LPP: variants seen among roughly 807,000 people sequenced by gnomAD.
LPP encodes the protein lipoma-preferred partner.
A neutral mutation model predicts 60.4 loss-of-function variants in LPP; 38 were observed. The ratio of observed to expected loss-of-function variants is 0.63; its 90% CI spans 0.49 to 0.83. The LOEUF is 0.83. LPP is among the 40% of genes least tolerant of loss of function. LPP has a pLI of 0.00. For missense variants in LPP, 902 were observed against 783.6 expected, an observed-to-expected ratio of 1.15 and a Z score of -1.80; for synonymous variants, 328 against 290.8, an observed-to-expected ratio of 1.13 and a Z score of -1.30.
rs144698722 is a variant in LPP at position 188,322,569 on chromosome 3, C to A, written c.-66-19094C>A. On this transcript the variant is annotated intron_variant, in intron 2 of 11. Transcript: ENST00000617246. ...CCTAGAAAAGACCTCTTTAAAAAGG[C>A]CTTTTGGTTATATACGGCCTGAGTT... Among the ~76,000 whole-genome samples the A allele has an allele frequency of 3.3e-5, 5 of 152,194 alleles. No homozygotes were observed. The East Asian group carries it at 9.7e-4, about 29-fold the overall frequency.
At chr3:188,511,277 C>T (rs1200788617) in intron 5 of LPP, among the ~76,000 whole-genome samples, 20 of 93,000 alleles carry the variant, frequency 2.2e-4, no homozygotes, top group African/African-American at 8.5e-4. Flanking sequence ...TCCTTTCCCT[C>T]CCTTCCCTCC....
At chr3:188,706,820 A>G (rs1433243821) in intron 7 of LPP, among the ~76,000 whole-genome samples, 4 of 152,216 alleles carry the variant, frequency 2.6e-5, no homozygotes, top group Admixed American at 6.5e-5. Flanking sequence ...ATGCATAAAT[A>G]TCAAGGCAAG....
chr3:188,861,562 G>A (rs1452946859), intron 9 of LPP, among the ~76,000 whole-genome samples: 1 of 151,794 alleles, frequency 6.6e-6, no homozygotes, highest in Non-Finnish European at 1.5e-5. Context: ...GTAAATAATG[G>A]TAATATTCTT....
intron 9 of LPP, among the ~76,000 whole-genome samples, chr3:188,843,291 C>G (rs1760493203): frequency 6.6e-6 from 1 of 152,108 alleles, no homozygotes; most frequent in Non-Finnish European, 1.5e-5. Flanking sequence ...ATTTATTCCT[C>G]CACTTTTTCT....
At chr3:188,799,801 T>A (rs1746463479) in intron 9 of LPP, among the ~76,000 whole-genome samples, 1 of 152,206 alleles carries the variant, frequency 6.6e-6, no homozygotes, top group Non-Finnish European at 1.5e-5. Flanking sequence ...TGCTATATAG[T>A]GCAATGTTCT....
At chr3:188,323,894 G>A (rs911857023) in intron 2 of LPP, among the ~76,000 whole-genome samples, 1 of 152,230 alleles carries the variant, frequency 6.6e-6, no homozygotes, top group Non-Finnish European at 1.5e-5. Context: ...AAGCAGGAAT[G>A]ATTCTGGGTG....
chr3:188,673,444 G>A (rs976702701), intron 7 of LPP, among the ~76,000 whole-genome samples: 1 of 152,158 alleles, frequency 6.6e-6, no homozygotes, highest in African/African-American at 2.4e-5. Context: ...ACAGTGTACA[G>A]CCTCTATAAT....
intron 2 of LPP, among the ~76,000 whole-genome samples, chr3:188,258,526 G>A (rs567232210): frequency 3.3e-4 from 50 of 152,276 alleles, no homozygotes; most frequent in Admixed American, 7.8e-4. Context: ...TCACTATGTT[G>A]CCTAGGCTGG....
intron 4 of LPP, among the ~76,000 whole-genome samples, chr3:188,470,287 C>A (rs1579150484): frequency 2.6e-5 from 1 of 38,724 alleles, no homozygotes. Context: ...CTCATACACA[C>A]ACACACACAC....
At chr3:188,736,635 CAGAT>C (rs1208566649) in intron 8 of LPP, among the ~76,000 whole-genome samples, 2 of 151,770 alleles carry the variant, frequency 1.3e-5, no homozygotes, top group East Asian at 1.9e-4. Context: ...TCAATCCAGA[CAGAT>C]AGATGGATGG....
chr3:188,716,900 C>T (rs1161084601), intron 8 of LPP, among the ~76,000 whole-genome samples: 2 of 152,178 alleles, frequency 1.3e-5, no homozygotes, highest in Non-Finnish European at 2.9e-5. Context: ...GTCTTGCATC[C>T]AACTTCTAGG....
chr3:188,672,090 G>C (rs929804806), intron 7 of LPP, among the ~76,000 whole-genome samples: 26 of 152,162 alleles, frequency 1.7e-4, no homozygotes, highest in Admixed American at 1.7e-3. Context: ...GCTCACACTT[G>C]AGGTATCAAA....
intron 9 of LPP, among the ~76,000 whole-genome samples, chr3:188,863,955 TA>T (rs58464588): frequency 0.011 from 1,214 of 108,692 alleles, 12 homozygotes; most frequent in African/African-American, 0.037. Flanking sequence ...CAGGGCTGAC[TA>T]AAAAAAAAAA....
chr3:188,375,245 T>C (rs1374496670), intron 3 of LPP, among the ~76,000 whole-genome samples: 1 of 152,228 alleles, frequency 6.6e-6, no homozygotes, highest in Non-Finnish European at 1.5e-5. Flanking sequence ...GAGGATTCCC[T>C]CTATTTCTGT....
At chr3:188,286,773 G>A (rs1744061877) in intron 2 of LPP, among the ~76,000 whole-genome samples, 1 of 152,058 alleles carries the variant, frequency 6.6e-6, no homozygotes, top group Non-Finnish European at 1.5e-5. Flanking sequence ...ACCATTTCAA[G>A]CATATATGGA....
At chr3:188,276,358 T>A (rs1014330198) in intron 2 of LPP, among the ~76,000 whole-genome samples, 6 of 152,204 alleles carry the variant, frequency 3.9e-5, no homozygotes, top group Non-Finnish European at 8.8e-5. Context: ...TCTTAGCTAG[T>A]TCCTTGATTG....
intron 4 of LPP, among the ~76,000 whole-genome samples, chr3:188,406,546 A>T (rs1783542318): frequency 1.3e-5 from 2 of 152,210 alleles, no homozygotes; most frequent in Non-Finnish European, 2.9e-5. Flanking sequence ...ATAGGGTTAG[A>T]GCTCAAACTA....
At chr3:188,732,632 C>T (rs1259503524) in intron 8 of LPP, among the ~76,000 whole-genome samples, 2 of 145,492 alleles carry the variant, frequency 1.4e-5, no homozygotes, top group African/African-American at 5.0e-5. Context: ...ACAGGAGAAT[C>T]GCTTGAACCC....
chr3:188,280,557 G>A (rs1239126001), intron 2 of LPP, among the ~76,000 whole-genome samples: 3 of 151,992 alleles, frequency 2.0e-5, no homozygotes, highest in African/African-American at 7.3e-5. Context: ...AAAGTCCAGT[G>A]CCCATCCCCC....
Sources: gnomAD v4.1 joint callset for allele counts (sites outside exome capture counted in the v4.1 genomes callset) on GRCh38, gnomAD v4.1.1 for gene constraint, MANE v1.5 for transcripts, NCBI Gene and HGNC (gene_info 2026-07-23, HGNC 2026-07-21) for gene names.